NCAPH: variants seen among roughly 807,000 people sequenced by gnomAD.
The protein encoded by NCAPH is condensin complex subunit 2.
A neutral mutation model predicts 85.5 loss-of-function variants in NCAPH; 38 were observed. The observed-to-expected ratio is 0.44, with a 90% CI of 0.34 to 0.58. NCAPH has a LOEUF of 0.58. NCAPH is among the 20% of genes least tolerant of loss of function. NCAPH has a pLI of 0.01. For synonymous variants in NCAPH, 301 were observed against 335.1 expected (o/e 0.90, Z 1.11); for missense variants, 789 against 916.6 (o/e 0.86, Z 1.80).
intron 8 of NCAPH, among the ~76,000 whole-genome samples, chr2:96,353,717 C>G (rs1314569211): frequency 6.6e-6 from 1 of 152,008 alleles, no homozygotes; most frequent in Non-Finnish European, 1.5e-5. Flanking sequence ...CCAGTGGCCT[C>G]GAATCTCTTA....
Position 96,354,309 on chromosome 2 carries a change from G to A in NCAPH, c.1129G>A (p.Asp377Asn), listed in dbSNP as rs144694271. The change falls in exon 9 of 18, where the codon GAT (aspartate) becomes AAT (asparagine). Residue 377 changes from aspartate to asparagine, a missense_variant. By Grantham distance (23) the Asp-to-Asn change is conservative. Transcript: ENST00000240423. Reference protein sequence around the residue: ...GSLGDDFDANDEPDHTAVGDH... With the variant: ...GSLGDDFDANNEPDHTAVGDH... ...CCTGGGGGATGACTTTGATGCCAAC[G>A]ATGAACCTGACCACACCGCAGTTGG... 2.4e-5 allele frequency: 38 copies of A among 1,614,054 alleles called. No homozygotes were observed. Among genetic ancestry groups the A allele is most frequent in the African/African-American group, 1.9e-4 (14 of 75,004 alleles).
intron 4 of NCAPH, 72 bp from the exon 5 acceptor site, chr2:96,343,094 T>C: frequency 6.3e-7 from 1 of 1,576,798 alleles, no homozygotes; most frequent in African/African-American, 1.4e-5. Context: ...TTTGTGAAGC[T>C]TGCTGTGTTT....
At position 96,352,031 on chromosome 2, in the gene NCAPH, G is replaced by A. The variant is rs377328476; in HGVS notation, c.910+11G>A. 1 of 1,599,730 alleles carries A rather than the reference G, an allele frequency of 6.3e-7. No individual in the cohort carries two copies. On this transcript the variant is annotated intron_variant, in intron 7 of 17. Transcript: ENST00000240423. The stretch of plus-strand genomic sequence containing the variant: ...TGACAGATTTAAAAGGTAAGTACAA[G>A]TGATGCCTTTCACCAGAGCATTTCA...
At chr2:96,347,968 A>T (rs955329410) in intron 6 of NCAPH, among the ~76,000 whole-genome samples, 1 of 151,708 alleles carries the variant, frequency 6.6e-6, no homozygotes, top group Non-Finnish European at 1.5e-5. Context: ...GGGGAGAGGG[A>T]GTTGTATTTT....
At chr2:96,361,066 T>TG (rs1553447711) in intron 12 of NCAPH, among the ~76,000 whole-genome samples, 21 of 144,926 alleles carry the variant, frequency 1.4e-4, no homozygotes, top group Non-Finnish European at 2.1e-4. Context: ...TTTTTTTTTT[T>TG]GACAGAGTTT....
At chr2:96,348,364 T>C (rs571275559) in intron 6 of NCAPH, among the ~76,000 whole-genome samples, 6 of 152,102 alleles carry the variant, frequency 3.9e-5, no homozygotes, top group African/African-American at 1.4e-4. Context: ...TAATTTTTTG[T>C]ATTTTTAGGA....
rs922663104 is a variant in NCAPH at position 96,348,443 on chromosome 2, C to T, written c.721-3388C>T. ...TGACCTTGTGATCCGCCGCCCGCCT[C>T]GGCCTCCCAAAGTGCTGGGATTACA... On this transcript the variant is annotated intron_variant, in intron 6 of 17. Transcript: ENST00000240423. 6.6e-5 allele frequency among the ~76,000 whole-genome samples: 10 copies of T among 152,104 alleles called. No homozygotes were observed. The East Asian group carries it at 1.4e-3, about 21-fold the overall frequency.
chr2:96,358,625 C>T (rs1256694500), intron 9 of NCAPH, among the ~76,000 whole-genome samples: 13 of 152,148 alleles, frequency 8.5e-5, no homozygotes, highest in Non-Finnish European at 8.8e-5. Flanking sequence ...CCCGCCACCA[C>T]GCCCGGCTAA....
rs995812611 is a variant in NCAPH, at chr2:96,369,132, CCA to C, written c.2090+76_2090+77del. The C allele has an allele frequency of 1.7e-5, 24 of 1,392,004 alleles. No homozygotes were observed. In the African/African-American group the frequency reaches 2.9e-4, roughly 17 times the overall value. 86.2% of individuals were successfully genotyped at this position (1,392,004 alleles called of 1,614,324 possible). A position where few individuals can be genotyped will look rare whatever the true frequency, so the allele number is the denominator to read the frequency against. On this transcript the variant is annotated intron_variant, in intron 16 of 17. Coordinates refer to ENST00000240423, the MANE Select transcript of NCAPH (RefSeq NM_015341.5). ...CTGAGCTGTCCGCGTGGCAGGCCTTCCACACACAACCTGTTTCCTATGACATT... is the reference window on the plus strand; with the variant it reads ...CTGAGCTGTCCGCGTGGCAGGCCTTCCACACAACCTGTTTCCTATGACATT...
chr2:96,368,982 G>A lies in NCAPH; in HGVS notation c.2009G>A (p.Arg670Lys). The A allele has an allele frequency of 6.4e-7, 1 of 1,554,254 alleles. No homozygotes were observed. Among genetic ancestry groups the A allele is most frequent in the Non-Finnish European group, 8.7e-7 (1 of 1,148,328 alleles). Reference protein sequence around the residue: ...GKEADAEANHREAGKEAALAE... With the variant: ...GKEADAEANHKEAGKEAALAE... ...ATGTGCTTCTGTTAGGCAAACCACAGGGAAGCTGGAAAAGAAGCGGCCCTG... is the reference window on the plus strand; with the variant it reads ...ATGTGCTTCTGTTAGGCAAACCACAAGGAAGCTGGAAAAGAAGCGGCCCTG... The change falls in exon 16 of 18, where the codon AGG becomes AAG. Residue 670 changes from arginine (R) to lysine (K), a missense_variant. Transcript: ENST00000240423.
intron 13 of NCAPH, 39 bp from the exon 14 acceptor site, chr2:96,365,837 G>C: frequency 7.5e-6 from 12 of 1,608,116 alleles, no homozygotes; most frequent in Non-Finnish European, 1.0e-5. Flanking sequence ...GAGCTCCTCT[G>C]CAGCGTCCAC....
At chr2:96,356,403 G>A (rs1009129047) in intron 9 of NCAPH, among the ~76,000 whole-genome samples, 5 of 152,216 alleles carry the variant, frequency 3.3e-5, no homozygotes, top group African/African-American at 1.2e-4. Context: ...GTTGGGACCA[G>A]TTGATAATAA....
chr2:96,348,769 C>T (rs1415109261), intron 6 of NCAPH, among the ~76,000 whole-genome samples: 1 of 151,972 alleles, frequency 6.6e-6, no homozygotes, highest in Non-Finnish European at 1.5e-5. Flanking sequence ...GATTCTCGTG[C>T]CTCAGCCTCC....
At chr2:96,335,891 C>A in intron 1 of NCAPH, 43 bp downstream of exon 1, 1 of 1,430,802 alleles carries the variant, frequency 7.0e-7, no homozygotes, top group Non-Finnish European at 9.2e-7. Context: ...GGGCCCCTAG[C>A]GAAGCAGTAC....
intron 6 of NCAPH, 55 bp downstream of exon 6, chr2:96,344,284 G>A: frequency 1.3e-6 from 2 of 1,540,488 alleles, no homozygotes; most frequent in Middle Eastern, 1.9e-4. Flanking sequence ...CTTAGGGGCT[G>A]AGACTTGGCA....
rs991608526 is a variant in NCAPH, at chr2:96,354,376, T to A, written c.1196T>A (p.Val399Asp). The change falls in exon 9 of 18, where the codon GTT becomes GAT. Residue 399 changes from valine (V) to aspartate (D), a missense_variant. Transcript: ENST00000240423. ...AGGAGCTGGAAGGAGCCCTGCCAGG[T>A]TCAGAGCTGCCAGTAAGGCTCTCAG... ...EFRSWKEPCQ[V>D]QSCQEEMISL... The A allele has an allele frequency of 4.4e-6, 7 of 1,590,992 alleles. No homozygotes were observed. The highest frequency in any genetic ancestry group is 6.0e-6 in the Non-Finnish European group (7 of 1,166,488).
At chr2:96,357,685 G>A (rs1456042395) in intron 9 of NCAPH, among the ~76,000 whole-genome samples, 3 of 152,060 alleles carry the variant, frequency 2.0e-5, no homozygotes, top group Non-Finnish European at 4.4e-5. Flanking sequence ...TTTTTTTATT[G>A]TGTATTTTAT....
Position 96,364,597 on chromosome 2 carries a change from G to A in NCAPH, c.1698+6G>A, listed in dbSNP as rs1386958043. 6.4e-7 allele frequency: 1 copy of A among 1,569,646 alleles called. No homozygotes were observed. The highest frequency in any genetic ancestry group is 1.1e-5 in the South Asian group (1 of 90,006). ...ACTTTTGCCCTGGATTACAGGTAAA[G>A]GGGGGAAAGGGGCTCTGTCCTCTCT... On this transcript the variant is annotated splice_donor_region_variant and intron_variant, in intron 13 of 17. Transcript: ENST00000240423.
At position 96,365,899 on chromosome 2, in the gene NCAPH, T is replaced by G; in HGVS notation, c.1722T>G (p.Asp574Glu). Residue 574 changes from aspartate (D) to glutamate (E), a missense_variant, in exon 14 of 18, where the codon GAT becomes GAG. Physicochemically the swap from Asp to Glu is conservative, Grantham distance 45. Coordinates refer to ENST00000240423, the MANE Select transcript of NCAPH (RefSeq NM_015341.5). Reference sequence around the variant, plus strand: ...AGGCTGCTGACAGTGATGATGAAGATTTGGATGACTTATTTGTGGGACCTG... The same window carrying G: ...AGGCTGCTGACAGTGATGATGAAGAGTTGGATGACTTATTTGTGGGACCTG... ...GLQAADSDDE[D>E]LDDLFVGPVG... is the part of the protein sequence containing the mutation. 1 of 1,614,172 alleles carries G rather than the reference T, an allele frequency of 6.2e-7. No individual in the cohort carries two copies. Among genetic ancestry groups the G allele is most frequent in the Non-Finnish European group, 8.5e-7 (1 of 1,180,032 alleles).
Sources: gnomAD v4.1 joint callset for allele counts (sites outside exome capture counted in the v4.1 genomes callset) on GRCh38, gnomAD v4.1.1 for gene constraint, MANE v1.5 for transcripts, NCBI Gene and HGNC (gene_info 2026-07-23, HGNC 2026-07-21) for gene names.